NCOA6: variants seen among roughly 807,000 people sequenced by gnomAD.
NCOA6 encodes the protein nuclear receptor coactivator 6.
In NCOA6, 49 loss-of-function variants were observed where a neutral mutation model predicts 171.4. The observed-to-expected ratio is 0.29, with a 90% confidence interval of 0.23 to 0.36. The LOEUF (loss-of-function observed/expected upper bound fraction) is 0.36. Ranked by LOEUF, NCOA6 falls within the 10% of genes least tolerant of loss-of-function variation. NCOA6 has a pLI of 1.00. For missense variants in NCOA6, 2,248 were observed against 2,554.5 expected (o/e 0.88, Z 2.59); for synonymous variants, 910 against 927.5 (o/e 0.98, Z 0.34).
At chr20:34,738,463 A>G (rs1675446058) in intron 11 of NCOA6, among the ~76,000 whole-genome samples, 1 of 152,228 alleles carries the variant, frequency 6.6e-6, no homozygotes, top group African/African-American at 2.4e-5. Flanking sequence ...TTAATAGTGA[A>G]GGATATACTT....
Position 34,758,828 on chromosome 20 carries a change from G to A in NCOA6, c.620C>T (p.Thr207Ile), listed in dbSNP as rs1240119189. Residue 207 changes from threonine to isoleucine, a missense_variant, in exon 6 of 15, where the codon ACT becomes ATT. This residue lies in a region of NCOA6 where 987 missense variants were observed against 1,104.7 expected (regional missense o/e 0.89). Transcript: ENST00000359003. ...ACCTGACTGAGAAGCAGGGCGAGGA[G>A]TCCTGGGCTGCAGCTCTGGATTGGG... is the stretch of plus-strand genomic sequence containing the variant. Reference protein sequence around the residue: ...PGPNPELQPRTPRPASQSDAM... With the variant: ...PGPNPELQPRIPRPASQSDAM... The A allele has an allele frequency of 1.2e-6, 2 of 1,613,118 alleles. No individual in the cohort carries two copies. Among genetic ancestry groups the A allele is most frequent in the Admixed American group, 1.7e-5 (1 of 59,706 alleles).
At position 34,741,431 on chromosome 20, in the gene NCOA6, A is replaced by C. The variant is rs2076139954; in HGVS notation, c.4825T>G (p.Ser1609Ala). The stretch of plus-strand genomic sequence containing the variant: ...GGCAAAGCTGCTGATGTGTTAGCTG[A>C]AGTTGTGATGGGATTGGAAGTGACA... ...VFVTSNPITT[S>A]ANTSAALPTH... Residue 1609 changes from serine to alanine, a missense_variant, in exon 11 of 15, where the codon TCA becomes GCA. This residue lies in a region of NCOA6 where 884 missense variants were observed against 941.9 expected (regional missense o/e 0.94). Transcript: ENST00000359003. 1 of 1,613,996 alleles carries C rather than the reference A, an allele frequency of 6.2e-7. No individual in the cohort carries two copies. Among genetic ancestry groups the C allele is most frequent in the South Asian group, 1.1e-5 (1 of 91,086 alleles).
chr20:34,774,793 T>C (rs1362745811), intron 4 of NCOA6, among the ~76,000 whole-genome samples: 1 of 152,190 alleles, frequency 6.6e-6, no homozygotes. Flanking sequence ...ACTAAAGTCA[T>C]AAGCTCTTCC....
intron 14 of NCOA6, among the ~76,000 whole-genome samples, chr20:34,716,286 T>TTCAG (rs1988589405): frequency 6.6e-6 from 1 of 150,696 alleles, no homozygotes; most frequent in South Asian, 2.1e-4. Flanking sequence ...AGCAACGGCC[T>TTCAG]GCTCTGAGCC....
intron 14 of NCOA6, among the ~76,000 whole-genome samples, chr20:34,724,737 T>C (rs1340615460): frequency 6.6e-6 from 1 of 152,170 alleles, no homozygotes; most frequent in Non-Finnish European, 1.5e-5. Context: ...TCATAGCATT[T>C]AACATTTAAC....
intron 1 of NCOA6, among the ~76,000 whole-genome samples, chr20:34,809,036 A>C (rs2078562848): frequency 6.6e-6 from 1 of 152,210 alleles, no homozygotes; most frequent in Non-Finnish European, 1.5e-5. Flanking sequence ...TTCCCCCTGC[A>C]AAGTTATGAA....
At chr20:34,769,089 A>G (rs1220386348) in intron 4 of NCOA6, among the ~76,000 whole-genome samples, 3 of 152,228 alleles carry the variant, frequency 2.0e-5, no homozygotes, top group Non-Finnish European at 4.4e-5. Context: ...CAATAACTGC[A>G]ATATAAACAT....
At chr20:34,763,685 A>G (rs1257289749) in intron 5 of NCOA6, among the ~76,000 whole-genome samples, 2 of 152,236 alleles carry the variant, frequency 1.3e-5, no homozygotes, top group Admixed American at 6.5e-5. Context: ...CTGGCTATTA[A>G]TGGGTATTCA....
At position 34,799,860 on chromosome 20, in the gene NCOA6, C is replaced by A. The variant is rs865811583; in HGVS notation, c.-163-7297G>T. On this transcript the variant is annotated intron_variant, in intron 1 of 14. Transcript: ENST00000359003. ...GAAACGCTAAAGGGAATTCTTCAAT[C>A]TGAAAGCAAAGGACGTTAATGAGCA... Among the ~76,000 whole-genome samples the A allele has an allele frequency of 1.2e-4, 18 of 152,264 alleles. No homozygotes were observed. The South Asian group carries it at 3.7e-3, about 32-fold the overall frequency.
chr20:34,776,239 A>G, intron 4 of NCOA6, 54 bp downstream of exon 4: 1 of 1,571,798 alleles, frequency 6.4e-7, no homozygotes, highest in Non-Finnish European at 8.7e-7. Context: ...ATCATGCTAT[A>G]TTCTACTGTT....
In NCOA6 at chr20:34,757,208, A is replaced by G. The variant is rs766543229; in HGVS notation, c.1528+12T>C. 1.9e-6 allele frequency: 3 copies of G among 1,544,598 alleles called. No individual in the cohort carries two copies. Among genetic ancestry groups the G allele is most frequent in the Non-Finnish European group, 2.6e-6 (3 of 1,148,326 alleles). On this transcript the variant is annotated intron_variant, in intron 7 of 14. Transcript: ENST00000359003. Reference sequence around the variant, plus strand: ...CAAATTTACCAACACAAATAGCTACAGTGTTCCTCACCTCCTAGGCCTGGA... The same window carrying G: ...CAAATTTACCAACACAAATAGCTACGGTGTTCCTCACCTCCTAGGCCTGGA...
intron 8 of NCOA6, among the ~76,000 whole-genome samples, chr20:34,751,585 G>A (rs1390464377): frequency 6.6e-6 from 1 of 151,922 alleles, no homozygotes; most frequent in Non-Finnish European, 1.5e-5. Flanking sequence ...AGTTAATCTT[G>A]ATCTGGAAGC....
chr20:34,798,113 G>C (rs540394500), intron 1 of NCOA6, among the ~76,000 whole-genome samples: 9 of 152,286 alleles, frequency 5.9e-5, no homozygotes, highest in African/African-American at 2.2e-4. Flanking sequence ...TCCTAGGCCT[G>C]GCAGCATTCA....
intron 1 of NCOA6, among the ~76,000 whole-genome samples, chr20:34,797,609 C>T (rs561819440): frequency 7.2e-5 from 11 of 151,936 alleles, no homozygotes; most frequent in African/African-American, 2.4e-4. Flanking sequence ...GTAAAGGGGC[C>T]GGGTATGGTG....
At chr20:34,785,106 A>T (rs1011287683) in intron 2 of NCOA6, among the ~76,000 whole-genome samples, 3 of 152,114 alleles carry the variant, frequency 2.0e-5, no homozygotes, top group Admixed American at 6.6e-5. Flanking sequence ...AAAATAAAAT[A>T]AAAAAATTAC....
chr20:34,806,592 G>C (rs1311034424), intron 1 of NCOA6, among the ~76,000 whole-genome samples: 1 of 152,190 alleles, frequency 6.6e-6, no homozygotes, highest in African/African-American at 2.4e-5. Context: ...TATGGTGAGA[G>C]ATAGGGGTCT....
chr20:34,778,222 C>T (rs1395077275), intron 3 of NCOA6, among the ~76,000 whole-genome samples: 1 of 151,968 alleles, frequency 6.6e-6, no homozygotes, highest in Admixed American at 6.6e-5. Context: ...ATTATTAAGC[C>T]TTAAAAAGGA....
intron 14 of NCOA6, among the ~76,000 whole-genome samples, chr20:34,721,508 G>T (rs1380794401): frequency 6.6e-6 from 1 of 152,090 alleles, no homozygotes; most frequent in Non-Finnish European, 1.5e-5. Flanking sequence ...GTTTCAGGAT[G>T]AAACTGTTCC....
rs1181990508 is a variant in NCOA6 at position 34,758,060 on chromosome 20, T to C, written c.688A>G (p.Ser230Gly). The change falls in exon 7 of 15, where the codon AGT (serine) becomes GGT (glycine). Residue 230 changes from serine to glycine, a missense_variant. Coordinates refer to ENST00000359003, the MANE Select transcript of NCOA6 (RefSeq NM_014071.5). The stretch of plus-strand genomic sequence containing the variant: ...GGAGCTAAAGATCCTGAGGGATGAC[T>C]TTGCTGCTGTATATGGAGCCCAGAG... ...LLSGLHIQQQ[S>G]HPSGSLAPPH... is the part of the protein sequence containing the mutation. 6 of 1,613,910 alleles carry C rather than the reference T, an allele frequency of 3.7e-6. No homozygotes were observed. Among genetic ancestry groups the C allele is most frequent in the Non-Finnish European group, 5.1e-6 (6 of 1,179,936 alleles).
Sources: gnomAD v4.1 joint callset for allele counts (sites outside exome capture counted in the v4.1 genomes callset) on GRCh38, gnomAD v4.1.1 for gene constraint, gnomAD v4.1.1 regional missense constraint, MANE v1.5 for transcripts, NCBI Gene and HGNC (gene_info 2026-07-23, HGNC 2026-07-21) for gene names.